The following DAB1 variants were observed in gnomAD, a reference collection of about 807,000 sequenced individuals.
DAB1 encodes DAB adaptor protein 1.
DAB1 carries 15 observed loss-of-function variants against 64.6 expected under a neutral mutation model. The observed-to-expected ratio is 0.23, with a 90% CI of 0.16 to 0.36. The LOEUF is 0.36. Among genes scored for constraint, DAB1 ranks in the 10% least tolerant of loss-of-function variants. The pLI, the probability that DAB1 is intolerant of heterozygous loss-of-function variation, is 1.00. For synonymous variants in DAB1, 235 were observed against 251.9 expected, an observed-to-expected ratio of 0.93 and a Z score of 0.64; for missense variants, 596 against 706.7, an observed-to-expected ratio of 0.84 and a Z score of 1.78.
At chr1:58,385,526 C>T (rs1644426174) in intron 3 of DAB1, among the ~76,000 whole-genome samples, 1 of 152,232 alleles carries the variant, frequency 6.6e-6, no homozygotes, top group South Asian at 2.1e-4. Flanking sequence ...AGATTATGTT[C>T]TATCCAAAAC....
chr1:57,348,112 A>G (rs1678266693), intron 1 of DAB1, among the ~76,000 whole-genome samples: 1 of 152,210 alleles, frequency 6.6e-6, no homozygotes, highest in African/African-American at 2.4e-5. Context: ...ACCTCGAATA[A>G]CATATCAGCA....
intron 1 of DAB1, among the ~76,000 whole-genome samples, chr1:57,305,994 A>G (rs1674125598): frequency 6.6e-6 from 1 of 151,752 alleles, no homozygotes; most frequent in African/African-American, 2.4e-5. Context: ...AAGAAAAAAG[A>G]AAAGAAAACA....
At chr1:57,767,733 G>A (rs1208025156) in intron 6 of DAB1, among the ~76,000 whole-genome samples, 1 of 152,152 alleles carries the variant, frequency 6.6e-6, no homozygotes, top group Admixed American at 6.6e-5. Context: ...TCAGGGAGCA[G>A]TGCATTTAAA....
At chr1:57,433,218 A>G (rs962799590) in intron 7 of DAB1, among the ~76,000 whole-genome samples, 3 of 152,222 alleles carry the variant, frequency 2.0e-5, no homozygotes, top group Non-Finnish European at 2.9e-5. Flanking sequence ...AAATTAAAAA[A>G]TATACATGAG....
At chr1:58,174,632 C>T (rs192819255) in intron 4 of DAB1, among the ~76,000 whole-genome samples, 50 of 152,278 alleles carry the variant, frequency 3.3e-4, no homozygotes, top group African/African-American at 9.6e-4. Context: ...GCTTCTGGGT[C>T]GGGTGGGGAC....
At chr1:58,471,589 T>C (rs1557430619) in intron 3 of DAB1, among the ~76,000 whole-genome samples, 2 of 152,188 alleles carry the variant, frequency 1.3e-5, no homozygotes, top group South Asian at 2.1e-4. Flanking sequence ...TGTCGAATTG[T>C]ATGTAATCCC....
chr1:58,165,162 C>T (rs1339214738), intron 4 of DAB1, among the ~76,000 whole-genome samples: 1 of 152,188 alleles, frequency 6.6e-6, no homozygotes, highest in Non-Finnish European at 1.5e-5. Context: ...TTAATCGCCA[C>T]ATTCACACTG....
chr1:58,147,434 T>C (rs916219335), intron 5 of DAB1, among the ~76,000 whole-genome samples: 2 of 148,546 alleles, frequency 1.3e-5, no homozygotes, highest in East Asian at 2.0e-4. Flanking sequence ...CTGGCTAACA[T>C]AGTGAAATCC....
intron 1 of DAB1, among the ~76,000 whole-genome samples, chr1:57,346,765 C>A (rs183004413): frequency 2.0e-5 from 3 of 152,248 alleles, no homozygotes; most frequent in African/African-American, 7.2e-5. Flanking sequence ...CATGAACTGA[C>A]CAATTTTCAG....
chr1:57,473,377 T>C (rs1687209779), intron 7 of DAB1, among the ~76,000 whole-genome samples: 1 of 152,184 alleles, frequency 6.6e-6, no homozygotes, highest in Admixed American at 6.5e-5. Context: ...GGGCCCTTAC[T>C]TGAGATGTTC....
chr1:57,089,246 T>C (rs915416611), intron 4 of DAB1, among the ~76,000 whole-genome samples: 3 of 152,226 alleles, frequency 2.0e-5, no homozygotes, highest in African/African-American at 7.2e-5. Flanking sequence ...CTTCTCTGTT[T>C]ATGTACAATA....
chr1:57,643,790 C>T (rs967413140), intron 7 of DAB1, among the ~76,000 whole-genome samples: 1 of 152,198 alleles, frequency 6.6e-6, no homozygotes, highest in African/African-American at 2.4e-5. Flanking sequence ...CTTCCCTAAC[C>T]TAGGCTTGGG....
At chr1:58,142,927 C>T (rs1654369247) in intron 5 of DAB1, among the ~76,000 whole-genome samples, 1 of 152,106 alleles carries the variant, frequency 6.6e-6, no homozygotes, top group Non-Finnish European at 1.5e-5. Context: ...TTCTCTAAGG[C>T]AATGGCTCTC....
Position 57,145,315 on chromosome 1 carries a change from C to G in DAB1, c.182G>C (p.Cys61Ser). ...CTTGAGTTTCATCATGGAATCTTGA[C>G]ATAACTTGTCTCCCCGAGCTGCGGA... ...EVSAARGDKL[C>S]QDSMMKLKGV... is the part of the protein sequence containing the mutation. Residue 61 changes from cysteine (C) to serine (S), a missense_variant, in exon 3 of 15, where the codon TGT becomes TCT. Physicochemically the swap from Cys to Ser is moderately radical, Grantham distance 112. Coordinates refer to ENST00000371236, the MANE Select transcript of DAB1 (RefSeq NM_001365792.1). 6.2e-7 allele frequency: 1 copy of G among 1,614,114 alleles called. No homozygotes were observed. The highest frequency in any genetic ancestry group is 8.5e-7 in the Non-Finnish European group (1 of 1,179,978).
At chr1:58,433,670 G>GGAGA (rs60954569) in intron 3 of DAB1, among the ~76,000 whole-genome samples, 2 of 142,112 alleles carry the variant, frequency 1.4e-5, no homozygotes, top group Admixed American at 7.1e-5. Flanking sequence ...GGGAGGCGGG[G>GGAGA]GAGAGAGAGA....
chr1:57,560,157 G>A (rs1440518221), intron 7 of DAB1, among the ~76,000 whole-genome samples: 4 of 152,192 alleles, frequency 2.6e-5, no homozygotes, highest in African/African-American at 9.7e-5. Context: ...GGAGCAATCT[G>A]CCTTCAGCTG....
At chr1:57,914,250 A>G (rs1195285416) in intron 5 of DAB1, among the ~76,000 whole-genome samples, 1 of 152,172 alleles carries the variant, frequency 6.6e-6, no homozygotes, top group Non-Finnish European at 1.5e-5. Flanking sequence ...ATACACATGG[A>G]ATACTATGCA....
intron 7 of DAB1, among the ~76,000 whole-genome samples, chr1:57,638,473 C>A (rs1162193848): frequency 1.3e-5 from 2 of 152,152 alleles, no homozygotes; most frequent in Non-Finnish European, 1.5e-5. Context: ...CAGATCCTAC[C>A]ATGCAAACCA....
intron 4 of DAB1, among the ~76,000 whole-genome samples, chr1:58,265,023 A>G (rs1661128987): frequency 6.6e-6 from 1 of 152,262 alleles, no homozygotes; most frequent in Non-Finnish European, 1.5e-5. Flanking sequence ...TCAAATGAAT[A>G]TCACAATGGA....
Sources: gnomAD v4.1 joint callset for allele counts (sites outside exome capture counted in the v4.1 genomes callset) on GRCh38, gnomAD v4.1.1 for gene constraint, MANE v1.5 for transcripts, NCBI Gene and HGNC (gene_info 2026-07-23, HGNC 2026-07-21) for gene names.